The following SRP72 variants were observed in gnomAD, a reference collection of about 807,000 sequenced individuals.
SRP72 encodes signal recognition particle 72, also known as signal recognition particle subunit SRP72.
A neutral mutation model predicts 96.3 loss-of-function variants in SRP72; 49 were observed. That is an observed-to-expected ratio of 0.51 (90% confidence interval 0.40 to 0.65). The LOEUF is 0.65. SRP72 is among the 30% of genes least tolerant of loss of function. The pLI is 0.00. For synonymous variants in SRP72, 267 were observed against 275.2 expected, an observed-to-expected ratio of 0.97 and a Z score of 0.30; for missense variants, 736 against 793.3, an observed-to-expected ratio of 0.93 and a Z score of 0.87.
chr4:56,477,695 T>TA (rs1396223636), intron 6 of SRP72, among the ~76,000 whole-genome samples: 1 of 152,174 alleles, frequency 6.6e-6, no homozygotes, highest in Non-Finnish European at 1.5e-5. Flanking sequence ...GGTCAGCAGA[T>TA]ACTCACCAGG....
intron 2 of SRP72, among the ~76,000 whole-genome samples, chr4:56,470,275 G>A (rs1158580809): frequency 6.6e-6 from 1 of 152,138 alleles, no homozygotes; most frequent in Non-Finnish European, 1.5e-5. Context: ...ACAGTATAAA[G>A]AGAAACAATG....
intron 17 of SRP72, among the ~76,000 whole-genome samples, chr4:56,498,506 G>C (rs1721156230): frequency 6.6e-6 from 1 of 152,160 alleles, no homozygotes; most frequent in Non-Finnish European, 1.5e-5. Context: ...TGACATGATT[G>C]TATATTTAGA....
chr4:56,469,750 T>C lies in SRP72; in HGVS notation c.207T>C (p.Asn69=). ...GSFKEALNVI[N]THTKVLANNS... ...TCAAGGAAGCTTTGAATGTCATCAATACTCACACCAAAGTGTTAGCCAAGT... is the reference window on the plus strand; with the variant it reads ...TCAAGGAAGCTTTGAATGTCATCAACACTCACACCAAAGTGTTAGCCAAGT... Residue 69 remains asparagine, a synonymous_variant, in exon 2 of 19, where the codon AAT becomes AAC. Transcript: ENST00000642900. 6.2e-7 allele frequency: 1 copy of C among 1,611,146 alleles called. No homozygotes were observed. Among genetic ancestry groups the C allele is most frequent in the Non-Finnish European group, 8.5e-7 (1 of 1,177,814 alleles).
intron 1 of SRP72, among the ~76,000 whole-genome samples, chr4:56,467,954 G>A (rs1455288064): frequency 3.3e-5 from 5 of 152,228 alleles, no homozygotes; most frequent in Admixed American, 1.3e-4. Flanking sequence ...GTCCCTGGTT[G>A]CTTACAGCCA....
At chr4:56,471,196 A>G (rs1719959783) in intron 2 of SRP72, among the ~76,000 whole-genome samples, 1 of 152,264 alleles carries the variant, frequency 6.6e-6, no homozygotes, top group African/African-American at 2.4e-5. Context: ...AAACATCAAC[A>G]ATGAGGTATC....
At chr4:56,496,089 C>T (rs1253713707) in intron 17 of SRP72, among the ~76,000 whole-genome samples, 1 of 152,136 alleles carries the variant, frequency 6.6e-6, no homozygotes, top group Non-Finnish European at 1.5e-5. Flanking sequence ...CATTGATTGG[C>T]TTGGAGTGTG....
rs763319329 is a variant in SRP72, at chr4:56,474,260, G to T, written c.499-20G>T. 1.2e-6 allele frequency: 2 copies of T among 1,613,440 alleles called. No individual in the cohort carries two copies. The highest frequency in any genetic ancestry group is 2.2e-5 in the South Asian group (2 of 90,950). The stretch of plus-strand genomic sequence containing the variant: ...TATTATTCATATTTAGTATTTAACT[G>T]GTATTTTGTCCCCTGACAGGAGAAC... On this transcript the variant is annotated intron_variant, in intron 4 of 18. Transcript: ENST00000642900.
At chr4:56,467,773 G>A in intron 1 of SRP72, 29 bp downstream of exon 1, 9 of 1,078,588 alleles carry the variant, frequency 8.3e-6, no homozygotes, top group East Asian at 3.2e-5. Context: ...ACTGGGGCGG[G>A]CCCAGGCCGG....
chr4:56,494,379 T>G (rs1052393161), intron 16 of SRP72, among the ~76,000 whole-genome samples: 1 of 151,802 alleles, frequency 6.6e-6, no homozygotes, highest in African/African-American at 2.4e-5. Context: ...TTTTATGTTT[T>G]TCTCTTTTCA....
chr4:56,469,812 A>C, intron 2 of SRP72, 39 bp downstream of exon 2: 1 of 1,545,554 alleles, frequency 6.5e-7, no homozygotes, highest in South Asian at 1.2e-5. Context: ...GTTATTAGAA[A>C]CACTTACTAT....
rs1338574229 is a variant in SRP72 at position 56,503,025 on chromosome 4, TAAC to T, written c.*1167_*1169del. The T allele has an allele frequency of 6.6e-6, 1 of 152,198 alleles. No homozygotes were observed. Among genetic ancestry groups the T allele is most frequent in the Non-Finnish European group, 1.5e-5 (1 of 68,030 alleles). 9.4% of individuals were successfully genotyped at this position (152,198 alleles called of 1,614,324 possible). A position where few individuals can be genotyped will look rare whatever the true frequency, so the allele number is the denominator to read the frequency against. ...CCCAAGATATCATTTAATTTAGACT[TAAC>T]AAGTATTTCCTTGTGATTATATTAC... is the stretch of plus-strand genomic sequence containing the variant. On this transcript the variant is annotated 3_prime_UTR_variant, in exon 19 of 19. Coordinates refer to ENST00000642900, the MANE Select transcript of SRP72 (RefSeq NM_006947.4).
At chr4:56,496,271 G>GCT (rs1400607776) in intron 17 of SRP72, among the ~76,000 whole-genome samples, 2 of 152,138 alleles carry the variant, frequency 1.3e-5, no homozygotes, top group Non-Finnish European at 2.9e-5. Context: ...CCAAGGCTTA[G>GCT]CTCAGTTTAT....
intron 3 of SRP72, among the ~76,000 whole-genome samples, chr4:56,473,728 G>C (rs1277624857): frequency 6.6e-6 from 1 of 151,728 alleles, no homozygotes; most frequent in Admixed American, 6.6e-5. Context: ...TCGCGCCATT[G>C]CTCTCCAGTC....
chr4:56,481,811 G>T (rs1489039728), intron 8 of SRP72, among the ~76,000 whole-genome samples: 2 of 133,508 alleles, frequency 1.5e-5, no homozygotes, highest in African/African-American at 2.9e-5. Context: ...TCGCTCTCTT[G>T]CCCAGGCTGG....
chr4:56,474,306 A>C lies in SRP72; in HGVS notation c.525A>C (p.Thr175=). The change falls in exon 5 of 19, where the codon ACA becomes ACC. Residue 175 remains threonine, a synonymous_variant. Coordinates refer to ENST00000642900, the MANE Select transcript of SRP72 (RefSeq NM_006947.4). ...AGAACCTGGGCCTCCAAGAAGGCAC[A>C]CATGAGCTGTGCTACAACACTGCAT... is the stretch of plus-strand genomic sequence containing the variant. ...VPENLGLQEG[T]HELCYNTACA... is the part of the protein sequence containing the mutation. 3 of 1,614,170 alleles carry C rather than the reference A, an allele frequency of 1.9e-6. No individual in the cohort carries two copies. The highest frequency in any genetic ancestry group is 3.3e-4 in the Middle Eastern group (2 of 6,062).
chr4:56,468,611 AG>A (rs1457669320), intron 1 of SRP72, among the ~76,000 whole-genome samples: 1 of 152,038 alleles, frequency 6.6e-6, no homozygotes, highest in Non-Finnish European at 1.5e-5. Context: ...GTAACCTAAA[AG>A]GTGTGTCAGT....
At chr4:56,481,537 G>A (rs1720483125) in intron 8 of SRP72, among the ~76,000 whole-genome samples, 1 of 151,912 alleles carries the variant, frequency 6.6e-6, no homozygotes, top group Admixed American at 6.6e-5. Context: ...GCTTGGCTAA[G>A]AAGAAGGGGC....
chr4:56,475,677 T>C (rs1720186999), intron 5 of SRP72: 1 of 152,212 alleles, frequency 6.6e-6, no homozygotes, highest in African/African-American at 2.4e-5. Flanking sequence ...GAATTATAAT[T>C]TCTTGATCAT....
rs921847839 is a variant in SRP72 at position 56,503,448 on chromosome 4, T to G, written c.*1587T>G. 1 of 152,238 alleles carries G rather than the reference T, an allele frequency of 6.6e-6. No homozygotes were observed. The highest frequency in any genetic ancestry group is 1.5e-5 in the Non-Finnish European group (1 of 68,036). The allele number at this position is 152,238 out of a possible 1,614,324, so 9.4% of individuals were successfully genotyped here. ...TATTGACAGGCATTGGTATTATTAG[T>G]CATTGCTAAGCAACTAAAACTTCAT... On this transcript the variant is annotated 3_prime_UTR_variant, in exon 19 of 19. Coordinates refer to ENST00000642900, the MANE Select transcript of SRP72 (RefSeq NM_006947.4).
Sources: allele counts gnomAD v4.1 joint callset (sites outside exome capture counted in the v4.1 genomes callset), GRCh38; gene constraint gnomAD v4.1.1; transcripts MANE v1.5; gene names NCBI Gene and HGNC (gene_info 2026-07-23, HGNC 2026-07-21).